ZNF566: variants seen among roughly 807,000 people sequenced by gnomAD.
ZNF566 encodes zinc finger protein 566.
ZNF566 carries 27 observed loss-of-function variants against 32.8 expected under a neutral mutation model. The observed-to-expected ratio is 0.82, with a 90% CI of 0.61 to 1.14. The LOEUF is 1.14. ZNF566 is among the 50% of genes most tolerant of loss of function. The pLI, the probability that ZNF566 is intolerant of heterozygous loss-of-function variation, is 0.00. For missense variants in ZNF566, 402 were observed against 490.4 expected (o/e 0.82, Z 1.70); for synonymous variants, 154 against 159.5 (o/e 0.97, Z 0.26).
rs559342941 is a variant in ZNF566 at position 36,446,957 on chromosome 19, T to C, written c.*2020A>G. The C allele has an allele frequency of 2.0e-5, 3 of 152,300 alleles. No individual in the cohort carries two copies. Among genetic ancestry groups the C allele is most frequent in the African/African-American group, 7.2e-5 (3 of 41,544 alleles). The allele number at this position is 152,300 out of a possible 1,614,324, so 9.4% of individuals were successfully genotyped here. On this transcript the variant is annotated 3_prime_UTR_variant, in exon 5 of 5. Coordinates refer to ENST00000452939, the MANE Select transcript of ZNF566 (RefSeq NM_001145344.1). ...TGGGGAGCTGCTTGCTGAGCATGTT[T>C]TGAGCACAGGGAAGGCCCATTTCAA... is the stretch of plus-strand genomic sequence containing the variant.
intron 3 of ZNF566, 46 bp downstream of exon 3, chr19:36,473,286 G>T: frequency 1.9e-6 from 3 of 1,608,720 alleles, no homozygotes; most frequent in Non-Finnish European, 2.5e-6. Flanking sequence ...GAGGAAGTAG[G>T]CCTTCCAAGG....
At chr19:36,477,526 GT>G (rs767741591) in intron 1 of ZNF566, among the ~76,000 whole-genome samples, 9 of 106,984 alleles carry the variant, frequency 8.4e-5, no homozygotes, top group African/African-American at 1.1e-4. Context: ...TTCTGTTTCT[GT>G]TTTTTTTTTG....
rs1275951532 is a variant in ZNF566, at chr19:36,448,156, T to A, written c.*821A>T. The A allele has an allele frequency of 1.3e-5, 2 of 152,166 alleles. No individual in the cohort carries two copies. Among genetic ancestry groups the A allele is most frequent in the African/African-American group, 4.8e-5 (2 of 41,466 alleles). The allele number at this position is 152,166 out of a possible 1,614,324, so 9.4% of individuals were successfully genotyped here. ...ATAAAGACTATCCTTTGGGATATGG[T>A]CAAAGGGTACATTTGCCTTTTTGTA... On this transcript the variant is annotated 3_prime_UTR_variant, in exon 5 of 5. Coordinates refer to ENST00000452939, the MANE Select transcript of ZNF566 (RefSeq NM_001145344.1).
rs1239986055 is a variant in ZNF566, at chr19:36,476,553, G to A, written c.5C>T (p.Ala2Val). M[A>V]QESVMFSDVS... Reference sequence around the variant, plus strand: ...CAAAAGGAAACAGTATCTCACCTGAGCCATGGCTCTGATATTTGTAGAAAA... The same window carrying A: ...CAAAAGGAAACAGTATCTCACCTGAACCATGGCTCTGATATTTGTAGAAAA... The change falls in exon 2 of 5, where the codon GCT becomes GTT. Residue 2 changes from alanine to valine, a missense_variant. Transcript: ENST00000452939. 3.7e-6 allele frequency: 6 copies of A among 1,613,314 alleles called. No homozygotes were observed. The highest frequency in any genetic ancestry group is 1.3e-5 in the African/African-American group (1 of 74,892).
In ZNF566 at chr19:36,485,448, T is replaced by TA. The variant is rs34950405; in HGVS notation, c.-60+4037dup. On this transcript the variant is annotated intron_variant, in intron 1 of 4. Coordinates refer to ENST00000452939, the MANE Select transcript of ZNF566 (RefSeq NM_001145344.1). ...GATGACGGAGCAAGACCTTGTCTAT[T>TA]AAAAAAAAAAAAAAAAAAAAAAAGT... Among the ~76,000 whole-genome samples, 992 of 104,462 alleles carry TA rather than the reference T, an allele frequency of 9.5e-3. 7 individuals carry two copies. Among genetic ancestry groups the TA allele is most frequent in the Non-Finnish European group, 0.014 (773 of 54,576 alleles). 68.5% of individuals were successfully genotyped at this position (104,462 alleles called of 152,430 possible).
intron 4 of ZNF566, among the ~76,000 whole-genome samples, chr19:36,451,254 G>A (rs1451783318): frequency 6.6e-6 from 1 of 152,148 alleles, no homozygotes; most frequent in Non-Finnish European, 1.5e-5. Flanking sequence ...ACTAGAGGGT[G>A]ACAATCCAGA....
intron 4 of ZNF566, among the ~76,000 whole-genome samples, chr19:36,463,812 A>G (rs1410925894): frequency 1.3e-5 from 2 of 149,246 alleles, no homozygotes; most frequent in Non-Finnish European, 3.0e-5. Flanking sequence ...TGCAACCTCC[A>G]CCTCCCGGGT....
At chr19:36,461,198 A>G (rs1240439613) in intron 4 of ZNF566, among the ~76,000 whole-genome samples, 1 of 152,220 alleles carries the variant, frequency 6.6e-6, no homozygotes, top group Non-Finnish European at 1.5e-5. Context: ...CTAGAAATCC[A>G]GATTTCTATA....
chr19:36,466,208 A>C (rs1463702520), intron 4 of ZNF566, among the ~76,000 whole-genome samples: 1 of 152,232 alleles, frequency 6.6e-6, no homozygotes, highest in Non-Finnish European at 1.5e-5. Flanking sequence ...AGAATCATCT[A>C]TCAAAAAGAA....
chr19:36,457,609 T>A (rs2033348682), intron 4 of ZNF566, among the ~76,000 whole-genome samples: 1 of 152,134 alleles, frequency 6.6e-6, no homozygotes, highest in African/African-American at 2.4e-5. Context: ...TATCACCTCA[T>A]TGCTGGTTAC....
At position 36,476,537 on chromosome 19, in the gene ZNF566, A is replaced by G; in HGVS notation, c.9+12T>C. The G allele has an allele frequency of 6.2e-7, 1 of 1,612,078 alleles. No homozygotes were observed. Among genetic ancestry groups the G allele is most frequent in the Non-Finnish European group, 8.5e-7 (1 of 1,178,544 alleles). Reference sequence around the variant, plus strand: ...AATCACTCTATCTGAGCAAAAGGAAACAGTATCTCACCTGAGCCATGGCTC... The same window carrying G: ...AATCACTCTATCTGAGCAAAAGGAAGCAGTATCTCACCTGAGCCATGGCTC... On this transcript the variant is annotated intron_variant, in intron 2 of 4. Transcript: ENST00000452939.
At chr19:36,450,797 A>G (rs2033136638) in intron 4 of ZNF566, among the ~76,000 whole-genome samples, 1 of 152,230 alleles carries the variant, frequency 6.6e-6, no homozygotes, top group Non-Finnish European at 1.5e-5. Context: ...ATGAAGTTTT[A>G]TTAGCCATAC....
chr19:36,468,562 C>T (rs965216701), intron 4 of ZNF566, among the ~76,000 whole-genome samples: 8 of 151,494 alleles, frequency 5.3e-5, no homozygotes, highest in South Asian at 2.1e-4. Context: ...ACCCAGATCA[C>T]GCCATTTCAC....
intron 4 of ZNF566, among the ~76,000 whole-genome samples, chr19:36,469,687 C>G (rs1324608267): frequency 6.6e-6 from 1 of 151,878 alleles, no homozygotes; most frequent in Non-Finnish European, 1.5e-5. Flanking sequence ...AAAAATTAAC[C>G]ATTCTTAAAG....
At chr19:36,484,873 G>A (rs1206369082) in intron 1 of ZNF566, among the ~76,000 whole-genome samples, 10 of 152,010 alleles carry the variant, frequency 6.6e-5, no homozygotes, top group Non-Finnish European at 1.2e-4. Flanking sequence ...ACAGGCATGA[G>A]CCACCGCGCC....
At position 36,446,551 on chromosome 19, in the gene ZNF566, T is replaced by C. The variant is rs963847475; in HGVS notation, c.*2426A>G. On this transcript the variant is annotated 3_prime_UTR_variant, in exon 5 of 5. Transcript: ENST00000452939. ...GTAAGCCACTGTGCCCAGCCCCTTT[T>C]CTTTCTCTTTAATGGTATTGTTTCA... 2 of 152,264 alleles carry C rather than the reference T, an allele frequency of 1.3e-5. No individual in the cohort carries two copies. Among genetic ancestry groups the C allele is most frequent in the African/African-American group, 4.8e-5 (2 of 41,480 alleles). 9.4% of individuals were successfully genotyped at this position (152,264 alleles called of 1,614,324 possible). A position where few individuals can be genotyped will look rare whatever the true frequency, so the allele number is the denominator to read the frequency against.
intron 4 of ZNF566, among the ~76,000 whole-genome samples, chr19:36,457,405 T>A (rs2033343746): frequency 6.6e-6 from 1 of 152,090 alleles, no homozygotes; most frequent in South Asian, 2.1e-4. Flanking sequence ...GATAAAATAT[T>A]TTCAAACCTT....
rs189646652 is a variant in ZNF566 at position 36,487,037 on chromosome 19, C to T, written c.-60+2449G>A. Among the ~76,000 whole-genome samples, 78 of 146,554 alleles carry T rather than the reference C, an allele frequency of 5.3e-4. 2 individuals are homozygous for T. The East Asian group carries it at 0.012, about 22-fold the overall frequency. ...CCCGGGAGGCGGAGCTTGCAGTGAG[C>T]CGAGATTGCGCCACTGCACTCCCGC... On this transcript the variant is annotated intron_variant, in intron 1 of 4. Coordinates refer to ENST00000452939, the MANE Select transcript of ZNF566 (RefSeq NM_001145344.1).
intron 2 of ZNF566, chr19:36,476,103 C>T (rs965439051): frequency 3.9e-5 from 6 of 152,122 alleles, no homozygotes; most frequent in African/African-American, 9.7e-5. Context: ...GTCAGGAATT[C>T]GAGGCCAGCC....
Sources: allele counts gnomAD v4.1 joint callset (sites outside exome capture counted in the v4.1 genomes callset), GRCh38; gene constraint gnomAD v4.1.1; transcripts MANE v1.5; gene names NCBI Gene and HGNC (gene_info 2026-07-23, HGNC 2026-07-21).